The following ZNF215 variants were observed in gnomAD, a reference collection of about 807,000 sequenced individuals.
ZNF215 encodes BWSCR2-associated zinc finger protein 2.
ZNF215 carries 24 observed loss-of-function variants against 27.2 expected under a neutral mutation model. The observed-to-expected ratio is 0.88, with a 90% CI of 0.64 to 1.24. The LOEUF (loss-of-function observed/expected upper bound fraction) is 1.24, where lower values mean the gene tolerates loss of function less well. Among genes scored for constraint, ZNF215 ranks in the 50% most tolerant of loss-of-function variants. ZNF215 has a pLI of 0.00. For synonymous variants in ZNF215, 210 were observed against 204.0 expected (o/e 1.03, Z -0.25); for missense variants, 675 against 605.7 (o/e 1.11, Z -1.20).
At chr11:6,968,549 C>T (rs1850668888) in intron 5 of ZNF215, among the ~76,000 whole-genome samples, 1 of 148,396 alleles carries the variant, frequency 6.7e-6, no homozygotes, top group Admixed American at 6.7e-5. Context: ...TGAACAGGCA[C>T]TCTGGTATGT....
rs1047189907 is a variant in ZNF215, at chr11:6,980,449, G to C, written c.806-3680G>C. On this transcript the variant is annotated intron_variant, in intron 5 of 5. Coordinates refer to the ZNF215 transcript ENST00000529903. ...AATACTTCAAAGTTTTAATAAGTCA[G>C]TGCTCTAGAAAAATCCGTTTTCAAT... Among the ~76,000 whole-genome samples the C allele has an allele frequency of 2.0e-5, 3 of 151,900 alleles. 1 individual carries two copies. Among genetic ancestry groups the C allele is most frequent in the Middle Eastern group, 6.3e-3 (2 of 316 alleles).
intron 3 of ZNF215, among the ~76,000 whole-genome samples, chr11:6,936,555 C>T (rs1330599655): frequency 2.6e-5 from 4 of 152,040 alleles, no homozygotes; most frequent in Admixed American, 2.0e-4. Flanking sequence ...AATTCTACTA[C>T]ACTTTTGAAA....
At chr11:6,935,067 G>A (rs1032697122) in intron 3 of ZNF215, among the ~76,000 whole-genome samples, 1 of 152,178 alleles carries the variant, frequency 6.6e-6, no homozygotes, top group Non-Finnish European at 1.5e-5. Flanking sequence ...GTACTGAGGT[G>A]GCTACCTGGG....
At chr11:6,991,173 G>C (rs1396672004), downstream of ZNF215, among the ~76,000 whole-genome samples, 1 of 152,208 alleles carries the variant, frequency 6.6e-6, no homozygotes, top group Non-Finnish European at 1.5e-5. Flanking sequence ...AGAGTCTCAG[G>C]TCACAAACCT....
At chr11:6,954,843 T>C (rs1850261080) in intron 6 of ZNF215, among the ~76,000 whole-genome samples, 1 of 152,208 alleles carries the variant, frequency 6.6e-6, no homozygotes, top group South Asian at 2.1e-4. Flanking sequence ...CGCTGGGAGC[T>C]GTAGACCGGA....
At chr11:6,930,940 G>A (rs889734525) in intron 2 of ZNF215, among the ~76,000 whole-genome samples, 9 of 152,144 alleles carry the variant, frequency 5.9e-5, no homozygotes, top group Non-Finnish European at 1.2e-4. Flanking sequence ...AATTATTGAC[G>A]ATTTGGACTG....
chr11:6,944,967 GT>G (rs1251222802), intron 6 of ZNF215, among the ~76,000 whole-genome samples: 2 of 151,854 alleles, frequency 1.3e-5, no homozygotes, highest in African/African-American at 4.8e-5. Flanking sequence ...CATTTAGATT[GT>G]TGCCAATTTT....
Position 6,932,361 on chromosome 11 carries a change from C to T in ZNF215, c.89C>T (p.Ser30Phe). 2 of 1,614,160 alleles carry T rather than the reference C, an allele frequency of 1.2e-6. No homozygotes were observed. The highest frequency in any genetic ancestry group is 2.2e-5 in the East Asian group (1 of 44,896). ...EQREVLRADM[S>F]WQQETNPVVE... ...AGAGAGGTTCTGAGAGCAGATATGTCTTGGCAGCAGGAAACCAACCCCGTC... is the reference window on the plus strand; with the variant it reads ...AGAGAGGTTCTGAGAGCAGATATGTTTTGGCAGCAGGAAACCAACCCCGTC... The change falls in exon 3 of 7, where the codon TCT (serine) becomes TTT (phenylalanine). Residue 30 changes from serine (S) to phenylalanine (F), a missense_variant. By Grantham distance (155) the Ser-to-Phe change is radical. Transcript: ENST00000278319.
intron 6 of ZNF215, among the ~76,000 whole-genome samples, chr11:6,944,799 A>G (rs1460570172): frequency 1.3e-5 from 2 of 152,168 alleles, no homozygotes; most frequent in Non-Finnish European, 2.9e-5. Context: ...TTTTTCCAGA[A>G]TTCATCAGGA....
intron 3 of ZNF215, 46 bp downstream of exon 3, chr11:6,932,718 T>C (rs960263761): frequency 6.5e-7 from 1 of 1,528,130 alleles, no homozygotes; most frequent in Non-Finnish European, 8.8e-7. Flanking sequence ...ACCTTTCCCA[T>C]GTAAAGAGAA....
chr11:6,966,744 T>G (rs932951088), intron 5 of ZNF215, among the ~76,000 whole-genome samples: 1 of 152,004 alleles, frequency 6.6e-6, no homozygotes, highest in Non-Finnish European at 1.5e-5. Context: ...CTGCTTGATT[T>G]GGGTGTACTT....
At chr11:6,992,515 TAAATA>T (rs1470462681), downstream of ZNF215, among the ~76,000 whole-genome samples, 2 of 152,208 alleles carry the variant, frequency 1.3e-5, no homozygotes, top group Non-Finnish European at 2.9e-5. Flanking sequence ...CAGTAAAGTA[TAAATA>T]AAATGTGTAA....
chr11:6,939,226 T>G (rs896545461), intron 3 of ZNF215, among the ~76,000 whole-genome samples: 1 of 152,112 alleles, frequency 6.6e-6, no homozygotes, highest in African/African-American at 2.4e-5. Flanking sequence ...CTGGAAGGGG[T>G]GTCTGTGTCA....
intron 5 of ZNF215, among the ~76,000 whole-genome samples, chr11:6,978,814 TAATAA>T (rs1353410418): frequency 6.6e-6 from 1 of 152,092 alleles, no homozygotes; most frequent in Non-Finnish European, 1.5e-5. Context: ...AAAATGTTCA[TAATAA>T]AATGTTGGAA....
intron 2 of ZNF215, among the ~76,000 whole-genome samples, chr11:6,929,287 A>G (rs1373478235): frequency 6.6e-6 from 1 of 152,234 alleles, no homozygotes; most frequent in Non-Finnish European, 1.5e-5. Flanking sequence ...ACAGTACAAC[A>G]GAGTGTCCAT....
intron 6 of ZNF215, among the ~76,000 whole-genome samples, chr11:6,949,412 T>A (rs1849958965): frequency 6.6e-6 from 1 of 151,996 alleles, no homozygotes; most frequent in African/African-American, 2.4e-5. Flanking sequence ...CAGCACCTGT[T>A]GTTTCCTGAC....
intron 5 of ZNF215, among the ~76,000 whole-genome samples, chr11:6,973,207 C>G (rs1410008604): frequency 6.6e-6 from 1 of 152,116 alleles, no homozygotes; most frequent in African/African-American, 2.4e-5. Flanking sequence ...TCATCCATGT[C>G]CCTACAAAGG....
chr11:6,928,756 A>G (rs577874773), intron 2 of ZNF215, among the ~76,000 whole-genome samples: 1 of 152,174 alleles, frequency 6.6e-6, no homozygotes, highest in South Asian at 2.1e-4. Flanking sequence ...TGTTACTTTC[A>G]AAGTATCTGG....
rs1415771016 is a variant in ZNF215, at chr11:6,950,222, T to C, written c.713-5468T>C. 6.9e-5 allele frequency among the ~76,000 whole-genome samples: 10 copies of C among 144,510 alleles called. 1 individual carries two copies. Among genetic ancestry groups the C allele is most frequent in the Non-Finnish European group, 1.5e-4 (10 of 64,730 alleles). The allele number at this position is 144,510 out of a possible 152,430, so 94.8% of individuals were successfully genotyped here. ...GATTGACTTGGCGATGGGGCTCTTTTTTGGTTCCATATGAACTTTAAAGTA... is the reference window on the plus strand; with the variant it reads ...GATTGACTTGGCGATGGGGCTCTTTCTTGGTTCCATATGAACTTTAAAGTA... On this transcript the variant is annotated intron_variant, in intron 6 of 6. Coordinates refer to ENST00000278319, the MANE Select transcript of ZNF215 (RefSeq NM_013250.4).
Sources: gnomAD v4.1 joint callset for allele counts (sites outside exome capture counted in the v4.1 genomes callset) on GRCh38, gnomAD v4.1.1 for gene constraint, MANE v1.5 for transcripts, NCBI Gene and HGNC (gene_info 2026-07-23, HGNC 2026-07-21) for gene names.